CDH7: variants seen among roughly 807,000 people sequenced by gnomAD.
CDH7 encodes cadherin-7.
CDH7 carries 25 observed loss-of-function variants against 71.8 expected under a neutral mutation model. The observed-to-expected ratio is 0.35, with a 90% confidence interval of 0.25 to 0.49. CDH7 has a LOEUF of 0.49. CDH7 is among the 20% of genes least tolerant of loss of function. The pLI, the probability that CDH7 is intolerant of heterozygous loss-of-function variation, is 0.99. For missense variants in CDH7, 862 were observed against 974.6 expected, an observed-to-expected ratio of 0.88 and a Z score of 1.54; for synonymous variants, 381 against 363.8, an observed-to-expected ratio of 1.05 and a Z score of -0.54.
chr18:65,788,214 T>C (rs1038003753), intron 2 of CDH7, among the ~76,000 whole-genome samples: 2 of 152,166 alleles, frequency 1.3e-5, no homozygotes, highest in African/African-American at 2.4e-5. Context: ...TGGGCTAAAA[T>C]GAATATCCTG....
intron 6 of CDH7, among the ~76,000 whole-genome samples, chr18:65,837,572 A>G (rs1453771273): frequency 6.6e-6 from 1 of 152,156 alleles, no homozygotes; most frequent in Admixed American, 6.5e-5. Flanking sequence ...CTTGGTAATA[A>G]AAGTGTCAAG....
chr18:65,804,829 A>G (rs1317907369), intron 2 of CDH7, among the ~76,000 whole-genome samples: 2 of 152,130 alleles, frequency 1.3e-5, no homozygotes. Context: ...CTCCTGGGGA[A>G]CATAAACATG....
At chr18:65,837,577 G>A (rs1393176470) in intron 6 of CDH7, among the ~76,000 whole-genome samples, 2 of 152,108 alleles carry the variant, frequency 1.3e-5, no homozygotes, top group African/African-American at 4.8e-5. Context: ...TAATAAAAGT[G>A]TCAAGAGGAT....
intron 2 of CDH7, among the ~76,000 whole-genome samples, chr18:65,784,672 T>C (rs1184255065): frequency 6.6e-6 from 1 of 152,192 alleles, no homozygotes; most frequent in Non-Finnish European, 1.5e-5. Flanking sequence ...ATTCTTTTTA[T>C]GAATTCCTTG....
At chr18:65,783,467 C>A (rs1246341709) in intron 2 of CDH7, among the ~76,000 whole-genome samples, 1 of 152,184 alleles carries the variant, frequency 6.6e-6, no homozygotes, top group Non-Finnish European at 1.5e-5. Flanking sequence ...TATTTCTTAA[C>A]AGCCATGTCT....
At chr18:65,873,400 A>G (rs1913982934) in intron 11 of CDH7, among the ~76,000 whole-genome samples, 1 of 152,232 alleles carries the variant, frequency 6.6e-6, no homozygotes, top group African/African-American at 2.4e-5. Context: ...TGTGAAATGC[A>G]TATGTAATTT....
intron 1 of CDH7, among the ~76,000 whole-genome samples, chr18:65,757,002 C>G (rs541999624): frequency 1.2e-4 from 18 of 149,698 alleles, no homozygotes; most frequent in African/African-American, 4.4e-4. Context: ...TTGGAAGACT[C>G]GCAATTTTGC....
chr18:65,766,639 G>T (rs559747541), intron 2 of CDH7, among the ~76,000 whole-genome samples: 1 of 151,896 alleles, frequency 6.6e-6, no homozygotes, highest in African/African-American at 2.4e-5. Flanking sequence ...AAATAATAGT[G>T]CCCCTTTCCT....
At chr18:65,859,588 C>A in intron 9 of CDH7, 120 bp from the exon 10 acceptor site, 1 of 628,606 alleles carries the variant, frequency 1.6e-6, no homozygotes, top group Non-Finnish European at 2.9e-6. Context: ...CGGATCCTTT[C>A]TCCCTAGCTC....
At position 65,881,365 on chromosome 18, in the gene CDH7, T is replaced by G; in HGVS notation, c.*471T>G. 6.5e-6 allele frequency: 1 copy of G among 153,436 alleles called. No homozygotes were observed. The allele number at this position is 153,436 out of a possible 1,614,324, so 9.5% of individuals were successfully genotyped here. On this transcript the variant is annotated 3_prime_UTR_variant, in exon 12 of 12. Transcript: ENST00000397968. Reference sequence around the variant, plus strand: ...GGACAAATTTAATTTACAGAGATGCTTATAGCTTACTATATTATAGAATCC... The same window carrying G: ...GGACAAATTTAATTTACAGAGATGCGTATAGCTTACTATATTATAGAATCC...
Position 65,762,729 on chromosome 18 carries a change from TG to T in CDH7, c.-112del. On this transcript the variant is annotated 5_prime_UTR_variant, in exon 2 of 12. It introduces an in-frame stop codon into an upstream open reading frame of the 5' UTR. Coordinates refer to ENST00000397968, the MANE Select transcript of CDH7 (RefSeq NM_004361.5). The stretch of plus-strand genomic sequence containing the variant: ...CCAACACTCTACAGATTATTATCTC[TG>T]GACTCCCAGCTGACACCCTGCCGGA... The T allele has an allele frequency of 1.3e-6, 1 of 757,524 alleles. No individual in the cohort carries two copies. The highest frequency in any genetic ancestry group is 2.1e-6 in the Non-Finnish European group (1 of 473,074). 46.9% of individuals were successfully genotyped at this position (757,524 alleles called of 1,614,324 possible).
chr18:65,834,327 T>C (rs1912458876), intron 6 of CDH7, among the ~76,000 whole-genome samples: 1 of 152,164 alleles, frequency 6.6e-6, no homozygotes, highest in Non-Finnish European at 1.5e-5. Context: ...TATAGGTCTG[T>C]AGTTCAAGGA....
intron 2 of CDH7, among the ~76,000 whole-genome samples, chr18:65,765,320 C>T (rs536998172): frequency 5.9e-4 from 89 of 152,030 alleles, no homozygotes; most frequent in African/African-American, 1.9e-3. Context: ...AACTTGATTA[C>T]TATAGATTTT....
At chr18:65,867,271 G>A (rs1374242302) in intron 11 of CDH7, among the ~76,000 whole-genome samples, 8 of 152,010 alleles carry the variant, frequency 5.3e-5, no homozygotes, top group Non-Finnish European at 2.9e-5. Flanking sequence ...TCCTGACCTC[G>A]TGATCCACCC....
chr18:65,760,278 A>G (rs1042236124), intron 1 of CDH7, among the ~76,000 whole-genome samples: 3 of 152,202 alleles, frequency 2.0e-5, no homozygotes, highest in African/African-American at 7.2e-5. Context: ...TTAAGGTTTT[A>G]TCTCTGGAAC....
chr18:65,789,430 C>G (rs1051807236), intron 2 of CDH7, among the ~76,000 whole-genome samples: 1 of 152,002 alleles, frequency 6.6e-6, no homozygotes, highest in African/African-American at 2.4e-5. Flanking sequence ...CCAGCAACAG[C>G]CAGCCACATC....
intron 11 of CDH7, among the ~76,000 whole-genome samples, chr18:65,877,860 A>G (rs1914116707): frequency 6.6e-6 from 1 of 152,178 alleles, no homozygotes; most frequent in African/African-American, 2.4e-5. Context: ...TATTTTAAAA[A>G]TTGTTGTCTT....
At chr18:65,879,690 A>G (rs1024596601) in intron 11 of CDH7, among the ~76,000 whole-genome samples, 1 of 152,178 alleles carries the variant, frequency 6.6e-6, no homozygotes, top group Non-Finnish European at 1.5e-5. Flanking sequence ...TGTGATTTTT[A>G]GTTTTGATAT....
chr18:65,827,830 A>C (rs565047374), intron 6 of CDH7, among the ~76,000 whole-genome samples: 99 of 152,022 alleles, frequency 6.5e-4, no homozygotes, highest in African/African-American at 2.4e-3. Flanking sequence ...TCATGATAGG[A>C]TGCATGGGTG....
Sources: gnomAD v4.1 joint callset for allele counts (sites outside exome capture counted in the v4.1 genomes callset) on GRCh38, gnomAD v4.1.1 for gene constraint, MANE v1.5 for transcripts, NCBI Gene and HGNC (gene_info 2026-07-23, HGNC 2026-07-21) for gene names.